Variants in CST8 observed in about 807,000 individuals in gnomAD.
CST8 encodes the protein cystatin 8.
In CST8, 20 loss-of-function variants were observed where a neutral mutation model predicts 11.8. The observed-to-expected ratio is 1.70, with a 90% CI of 1.20 to 2.47. The LOEUF (loss-of-function observed/expected upper bound fraction) is 2.47. Ranked by LOEUF, CST8 falls within the 30% of genes most tolerant of loss-of-function variation. The pLI is 0.00. For synonymous variants in CST8, 77 were observed against 63.1 expected, an observed-to-expected ratio of 1.22 and a Z score of -1.05; for missense variants, 196 against 167.2, an observed-to-expected ratio of 1.17 and a Z score of -0.95.
At chr20:23,496,125 G>T, downstream of CST8, 1 of 549,868 alleles carries the variant, frequency 1.8e-6, no homozygotes, top group South Asian at 2.5e-5. Flanking sequence ...CCTTTGTTCA[G>T]CTTGATGGTC....
downstream of CST8, among the ~76,000 whole-genome samples, chr20:23,499,291 G>C (rs995294946): frequency 6.6e-6 from 1 of 152,168 alleles, no homozygotes; most frequent in South Asian, 2.1e-4. Flanking sequence ...TTTTCAACCT[G>C]CCTGTCTTAA....
intron 3 of CST8, 94 bp from the exon 4 acceptor site, chr20:23,495,737 A>AAACTGAC (rs1988023082): frequency 8.3e-6 from 8 of 962,402 alleles, no homozygotes; most frequent in Admixed American, 8.1e-5. Flanking sequence ...GCACACACCT[A>AAACTGAC]AACTGACACC....
At chr20:23,504,440 G>A in the CST8 span, among the ~76,000 whole-genome samples, 2 of 152,130 alleles carry the variant, frequency 1.3e-5, no homozygotes, top group African/African-American at 4.8e-5. Context: ...AGGCAATGTG[G>A]AAGTGTGTCC....
chr20:23,502,932 A>G, the CST8 span, among the ~76,000 whole-genome samples: 2 of 152,236 alleles, frequency 1.3e-5, no homozygotes, highest in East Asian at 1.9e-4. Context: ...TTACCAATCT[A>G]GGGGTTGGCT....
At chr20:23,498,217 A>G (rs1988101557), downstream of CST8, among the ~76,000 whole-genome samples, 1 of 152,206 alleles carries the variant, frequency 6.6e-6, no homozygotes, top group Non-Finnish European at 1.5e-5. Flanking sequence ...TGGATGCATG[A>G]CAATGTAAAT....
chr20:23,500,181 C>T (rs1988149449), downstream of CST8, among the ~76,000 whole-genome samples: 1 of 152,130 alleles, frequency 6.6e-6, no homozygotes, highest in African/African-American at 2.4e-5. Context: ...TACCCAAGCA[C>T]CTCCCACCAG....
intron 1 of CST8, 65 bp downstream of exon 1, chr20:23,491,407 A>C (rs1237550517): frequency 1.9e-6 from 1 of 521,008 alleles, no homozygotes; most frequent in Non-Finnish European, 3.5e-6. Flanking sequence ...GATTGCTCTC[A>C]GGGTAAGGAG....
At chr20:23,496,737 C>T (rs1167021945), downstream of CST8, among the ~76,000 whole-genome samples, 1 of 152,118 alleles carries the variant, frequency 6.6e-6, no homozygotes, top group East Asian at 1.9e-4. Flanking sequence ...AAGATGGCCG[C>T]CCCCCAAAGC....
chr20:23,494,231 A>C (rs145299209), intron 3 of CST8, among the ~76,000 whole-genome samples: 1 of 151,854 alleles, frequency 6.6e-6, no homozygotes, highest in Non-Finnish European at 1.5e-5. Flanking sequence ...TTAAATTTAT[A>C]TTTTCTCCCG....
chr20:23,495,799 C>G (rs371280586), intron 3 of CST8, 32 bp from the exon 4 acceptor site: 28 of 1,225,774 alleles, frequency 2.3e-5, no homozygotes, highest in Admixed American at 1.0e-4. Context: ...TTTTGGCACT[C>G]TACTAATTTT....
the CST8 span, among the ~76,000 whole-genome samples, chr20:23,505,662 A>T: frequency 6.6e-6 from 1 of 152,184 alleles, no homozygotes; most frequent in Non-Finnish European, 1.5e-5. Context: ...TTCCCTGAGG[A>T]ACGCCCTTAC....
the CST8 span, among the ~76,000 whole-genome samples, chr20:23,506,251 C>T: frequency 2.0e-5 from 3 of 152,078 alleles, no homozygotes; most frequent in Non-Finnish European, 2.9e-5. Flanking sequence ...ACGGACACAC[C>T]GGGAAACACA....
chr20:23,497,516 T>C (rs1274760199), downstream of CST8, among the ~76,000 whole-genome samples: 1 of 152,186 alleles, frequency 6.6e-6, no homozygotes, highest in Non-Finnish European at 1.5e-5. Flanking sequence ...CTCTATAAAT[T>C]GGGGGATTTG....
chr20:23,494,984 G>A (rs1988000141), intron 3 of CST8, among the ~76,000 whole-genome samples: 1 of 152,058 alleles, frequency 6.6e-6, no homozygotes, highest in African/African-American at 2.4e-5. Context: ...TTCTCCAGGA[G>A]GCCCCAGTGT....
At chr20:23,505,248 G>A in the CST8 span, among the ~76,000 whole-genome samples, 18 of 148,314 alleles carry the variant, frequency 1.2e-4, no homozygotes, top group South Asian at 1.7e-3. Flanking sequence ...AGGTTTAAGC[G>A]ATTTTCCTGC....
At chr20:23,493,172 C>T (rs1987944094) in intron 3 of CST8, 101 bp downstream of exon 3, 1 of 776,922 alleles carries the variant, frequency 1.3e-6, no homozygotes, top group Non-Finnish European at 2.2e-6. Flanking sequence ...GGGTGGCTCC[C>T]AGTGTTTAGC....
At chr20:23,501,782 C>A in the CST8 span, among the ~76,000 whole-genome samples, 2 of 152,188 alleles carry the variant, frequency 1.3e-5, no homozygotes, top group Non-Finnish European at 2.9e-5. Flanking sequence ...TGCCTGAAGA[C>A]AATAAAATGA....
the CST8 span, among the ~76,000 whole-genome samples, chr20:23,506,474 G>T: frequency 2.6e-5 from 4 of 152,100 alleles, no homozygotes; most frequent in Non-Finnish European, 5.9e-5. Context: ...GGATTCCATG[G>T]TTATAGGATT....
chr20:23,500,093 C>T (rs914969138), downstream of CST8, among the ~76,000 whole-genome samples: 2 of 151,750 alleles, frequency 1.3e-5, no homozygotes, highest in Non-Finnish European at 2.9e-5. Flanking sequence ...AGGTGCCAGG[C>T]ACATTTTAAC....
Sources: gnomAD v4.1 joint callset for allele counts (sites outside exome capture counted in the v4.1 genomes callset) on GRCh38, gnomAD v4.1.1 for gene constraint, MANE v1.5 for transcripts, NCBI Gene and HGNC (gene_info 2026-07-23, HGNC 2026-07-21) for gene names.